EDIL3: variants seen among roughly 807,000 people sequenced by gnomAD.
EDIL3 encodes the protein EGF-like repeat and discoidin I-like domain-containing protein 3.
EDIL3 carries 37 observed loss-of-function variants against 67.4 expected under a neutral mutation model. The ratio of observed to expected loss-of-function variants is 0.55; its 90% CI spans 0.42 to 0.72. The LOEUF (loss-of-function observed/expected upper bound fraction) is 0.72, where lower values mean the gene tolerates loss of function less well. Ranked by LOEUF, EDIL3 falls within the 30% of genes least tolerant of loss-of-function variation. EDIL3 has a pLI of 0.00. For missense variants in EDIL3, 527 were observed against 586.3 expected (o/e 0.90, Z 1.04); for synonymous variants, 195 against 196.3 (o/e 0.99, Z 0.05).
At chr5:84,161,818 A>G (rs1264882729) in intron 4 of EDIL3, among the ~76,000 whole-genome samples, 3 of 152,154 alleles carry the variant, frequency 2.0e-5, no homozygotes, top group Non-Finnish European at 4.4e-5. Context: ...GGTCTAAATC[A>G]TTAAAAGTTA....
chr5:84,127,378 C>T (rs1393269667), intron 5 of EDIL3, among the ~76,000 whole-genome samples: 2 of 152,032 alleles, frequency 1.3e-5, no homozygotes, highest in African/African-American at 4.8e-5. Flanking sequence ...TATTATTGAC[C>T]AGATAAAGCT....
chr5:84,056,388 T>A (rs998077599), intron 9 of EDIL3, among the ~76,000 whole-genome samples: 3 of 152,080 alleles, frequency 2.0e-5, no homozygotes, highest in Admixed American at 2.0e-4. Context: ...AGTTAATGGG[T>A]GCAGCACACC....
chr5:84,135,279 C>T (rs1356172130), intron 5 of EDIL3, among the ~76,000 whole-genome samples: 1 of 152,094 alleles, frequency 6.6e-6, no homozygotes, highest in Non-Finnish European at 1.5e-5. Context: ...AAGGCTTCTC[C>T]CCCGCAATTG....
At chr5:84,232,612 T>A (rs983719110) in intron 2 of EDIL3, among the ~76,000 whole-genome samples, 2 of 152,166 alleles carry the variant, frequency 1.3e-5, no homozygotes, top group Admixed American at 6.5e-5. Context: ...AGTATCTTTG[T>A]TACAAATTAA....
chr5:84,243,087 G>A, intron 2 of EDIL3, among the ~76,000 whole-genome samples: 1 of 148,548 alleles, frequency 6.7e-6, no homozygotes, highest in South Asian at 2.2e-4. Context: ...GTGTGTGTGT[G>A]TGTAAATGAA....
rs1437556726 is a variant in EDIL3, at chr5:84,163,716, GA to G, written c.355+16676del. On this transcript the variant is annotated intron_variant, in intron 4 of 10. Coordinates refer to ENST00000296591, the MANE Select transcript of EDIL3 (RefSeq NM_005711.5). ...GACATTGTGACATCTTTTATAGACA[GA>G]AAAATGCATAAGGAAAGTTTTAGCA... Among the ~76,000 whole-genome samples the G allele has an allele frequency of 2.0e-5, 3 of 151,982 alleles. No individual in the cohort carries two copies. In the East Asian group the frequency reaches 5.8e-4, roughly 29 times the overall value.
intron 1 of EDIL3, among the ~76,000 whole-genome samples, chr5:84,274,199 C>T (rs1745530182): frequency 6.6e-6 from 1 of 152,074 alleles, no homozygotes; most frequent in African/African-American, 2.4e-5. Context: ...CTCGAACTTC[C>T]AGGCTCATGT....
At chr5:84,218,336 T>C (rs960966687) in intron 3 of EDIL3, among the ~76,000 whole-genome samples, 2 of 152,180 alleles carry the variant, frequency 1.3e-5, no homozygotes, top group African/African-American at 4.8e-5. Context: ...GTTTTTAAAA[T>C]GTGAGAGAGA....
At chr5:84,328,862 C>T (rs1056565381) in intron 1 of EDIL3, among the ~76,000 whole-genome samples, 2 of 151,976 alleles carry the variant, frequency 1.3e-5, no homozygotes, top group African/African-American at 2.4e-5. Context: ...TTTTTACAAA[C>T]GCTTGCAATT....
At chr5:84,348,248 C>T (rs951953528) in intron 1 of EDIL3, among the ~76,000 whole-genome samples, 1 of 152,096 alleles carries the variant, frequency 6.6e-6, no homozygotes, top group Non-Finnish European at 1.5e-5. Context: ...GCAGTCATTG[C>T]TTGAGGGCTG....
intron 3 of EDIL3, among the ~76,000 whole-genome samples, chr5:84,182,538 A>T (rs1749032094): frequency 6.6e-6 from 1 of 152,102 alleles, no homozygotes; most frequent in Non-Finnish European, 1.5e-5. Context: ...CAAGCACTGC[A>T]ATCGGACCTC....
chr5:84,133,276 T>C (rs1057356124), intron 5 of EDIL3, among the ~76,000 whole-genome samples: 7 of 152,006 alleles, frequency 4.6e-5, no homozygotes, highest in Admixed American at 3.9e-4. Context: ...TCATCATCAT[T>C]TTCAAGCTGT....
At chr5:83,981,274 AC>A (rs2112148883) in intron 9 of EDIL3, among the ~76,000 whole-genome samples, 1 of 152,238 alleles carries the variant, frequency 6.6e-6, no homozygotes, top group Admixed American at 6.5e-5. Flanking sequence ...ACACTGTGGT[AC>A]TGGCATTTAA....
chr5:84,206,244 G>A (rs1463576343), intron 3 of EDIL3, among the ~76,000 whole-genome samples: 2 of 152,134 alleles, frequency 1.3e-5, no homozygotes, highest in Non-Finnish European at 2.9e-5. Context: ...TCTTAATCCT[G>A]AGTTCTAGTT....
At chr5:84,243,354 C>T (rs1407515781) in intron 2 of EDIL3, among the ~76,000 whole-genome samples, 1 of 152,162 alleles carries the variant, frequency 6.6e-6, no homozygotes, top group Non-Finnish European at 1.5e-5. Flanking sequence ...GAAATCTAAC[C>T]TTGGAAGCCA....
intron 3 of EDIL3, among the ~76,000 whole-genome samples, chr5:84,194,021 A>G (rs1743645948): frequency 6.6e-6 from 1 of 152,050 alleles, no homozygotes; most frequent in African/African-American, 2.4e-5. Context: ...CCACTTTCAC[A>G]TTTTTTAAAA....
chr5:84,096,777 C>T (rs1747272127), intron 6 of EDIL3, among the ~76,000 whole-genome samples: 1 of 152,162 alleles, frequency 6.6e-6, no homozygotes, highest in African/African-American at 2.4e-5. Flanking sequence ...GTGCCCCCAT[C>T]CAAATCTCAT....
intron 9 of EDIL3, among the ~76,000 whole-genome samples, chr5:84,047,247 A>AT (rs1245605462): frequency 2.6e-5 from 4 of 151,774 alleles, no homozygotes; most frequent in Non-Finnish European, 4.4e-5. Flanking sequence ...CTTTTTCATG[A>AT]TTTTCTATAT....
At chr5:84,317,620 A>G (rs895568999) in intron 1 of EDIL3, among the ~76,000 whole-genome samples, 1 of 152,156 alleles carries the variant, frequency 6.6e-6, no homozygotes, top group African/African-American at 2.4e-5. Context: ...CCAACCAAAA[A>G]AAGTCCAGGA....
Sources: gnomAD v4.1 joint callset for allele counts (sites outside exome capture counted in the v4.1 genomes callset) on GRCh38, gnomAD v4.1.1 for gene constraint, MANE v1.5 for transcripts, NCBI Gene and HGNC (gene_info 2026-07-23, HGNC 2026-07-21) for gene names.